ULK4: variants seen among roughly 807,000 people sequenced by gnomAD.
ULK4 encodes the protein unc-51 like kinase 4, also known as inactive serine/threonine-protein kinase ULK4.
ULK4 carries 133 observed loss-of-function variants against 160.6 expected under a neutral mutation model. That is an observed-to-expected ratio of 0.83 (90% CI 0.72 to 0.96). ULK4 has a LOEUF of 0.96. Among genes scored for constraint, ULK4 ranks in the 40% least tolerant of loss-of-function variants. The probability of loss-of-function intolerance (pLI) is 0.00; values close to 1 mark genes in which losing one functional copy is unlikely to be tolerated. For missense variants in ULK4, 1,580 were observed against 1,499.5 expected (o/e 1.05, Z -0.89); for synonymous variants, 534 against 539.8 (o/e 0.99, Z 0.15).
At chr3:41,544,930 C>T (rs182295427) in intron 32 of ULK4, among the ~76,000 whole-genome samples, 21 of 152,270 alleles carry the variant, frequency 1.4e-4, no homozygotes, top group Admixed American at 1.0e-3. Flanking sequence ...AAAGAGAGGA[C>T]GGGGTCAGAC....
At chr3:41,932,831 G>A (rs1317288841) in intron 4 of ULK4, among the ~76,000 whole-genome samples, 2 of 152,224 alleles carry the variant, frequency 1.3e-5, no homozygotes, top group Non-Finnish European at 2.9e-5. Context: ...ATCACCTAGG[G>A]CCAGGAGTTC....
intron 35 of ULK4, among the ~76,000 whole-genome samples, chr3:41,341,717 A>C (rs949976062): frequency 3.3e-5 from 5 of 152,154 alleles, no homozygotes; most frequent in Non-Finnish European, 7.4e-5. Context: ...TGGCAGCCAC[A>C]TTTGGTCCTA....
intron 32 of ULK4, among the ~76,000 whole-genome samples, chr3:41,528,424 C>T (rs1385619746): frequency 1.3e-5 from 2 of 152,096 alleles, no homozygotes; most frequent in Non-Finnish European, 2.9e-5. Context: ...TTGTAGCCTA[C>T]TTGTAAGATA....
At position 41,663,668 on chromosome 3, in the gene ULK4, C is replaced by A. The variant is rs1320475602; in HGVS notation, c.3010G>T (p.Val1004Leu). 11 of 1,613,772 alleles carry A rather than the reference C, an allele frequency of 6.8e-6. No individual in the cohort carries two copies. The highest frequency in any genetic ancestry group is 3.3e-5 in the Admixed American group (2 of 60,004). Residue 1004 changes from valine (V) to leucine (L), a missense_variant, in exon 30 of 37, where the codon GTA (valine) becomes TTA (leucine). Coordinates refer to ENST00000301831, the MANE Select transcript of ULK4 (RefSeq NM_017886.4). ...AGCAGTTTCAGAGCATATGCTGGTA[C>A]TGGGTCAGGTTCTAAAAGAATGTGC... Reference protein sequence around the residue: ...YEHILLEPDPVPAYALKLLVA... With the variant: ...YEHILLEPDPLPAYALKLLVA...
At chr3:41,377,033 A>T (rs551049785) in intron 35 of ULK4, among the ~76,000 whole-genome samples, 2 of 151,842 alleles carry the variant, frequency 1.3e-5, no homozygotes, top group South Asian at 4.2e-4. Context: ...AGAGATATAG[A>T]TCAATGGAAC....
At chr3:41,657,886 T>TTGCC (rs561794519) in intron 30 of ULK4, among the ~76,000 whole-genome samples, 17 of 148,532 alleles carry the variant, frequency 1.1e-4, no homozygotes, top group Admixed American at 9.4e-4. Context: ...AGTTAATGAG[T>TTGCC]TGCCATTTTA....
chr3:41,268,348 T>G (rs983440525), intron 35 of ULK4, among the ~76,000 whole-genome samples: 1 of 152,146 alleles, frequency 6.6e-6, no homozygotes, highest in Non-Finnish European at 1.5e-5. Flanking sequence ...TCTCCTGAGG[T>G]TGAAGTCTTG....
At chr3:41,578,214 A>C (rs1279799466) in intron 31 of ULK4, among the ~76,000 whole-genome samples, 1 of 152,222 alleles carries the variant, frequency 6.6e-6, no homozygotes, top group East Asian at 1.9e-4. Flanking sequence ...ATTCTAAGGA[A>C]GTAACTTAGA....
At chr3:41,916,552 C>T (rs531469536) in intron 7 of ULK4, among the ~76,000 whole-genome samples, 1 of 143,824 alleles carries the variant, frequency 7.0e-6, no homozygotes, top group East Asian at 1.9e-4. Context: ...CCATGCCTGA[C>T]TAATTTTTGT....
intron 21 of ULK4, among the ~76,000 whole-genome samples, chr3:41,771,625 G>C (rs984102707): frequency 1.3e-5 from 2 of 152,030 alleles, no homozygotes; most frequent in East Asian, 1.9e-4. Context: ...GCGAGTAAAA[G>C]CTACCCATGT....
At chr3:41,820,134 AAAACTAATTTT>A (rs1237748105) in intron 18 of ULK4, among the ~76,000 whole-genome samples, 1 of 152,192 alleles carries the variant, frequency 6.6e-6, no homozygotes, top group Non-Finnish European at 1.5e-5. Context: ...AAAGATGAAA[AAAACTAATTTT>A]TTAAAGCAGA....
intron 24 of ULK4, 52 bp from the exon 25 acceptor site, chr3:41,715,345 T>C (rs2037230890): frequency 6.2e-7 from 1 of 1,611,036 alleles, no homozygotes; most frequent in Non-Finnish European, 8.5e-7. Context: ...TGTACAACGT[T>C]AGCTCAATAA....
chr3:41,521,830 C>A (rs1218426370), intron 32 of ULK4, among the ~76,000 whole-genome samples: 1 of 152,194 alleles, frequency 6.6e-6, no homozygotes, highest in Non-Finnish European at 1.5e-5. Flanking sequence ...CCCAAAAGAT[C>A]TCACCAAATA....
chr3:41,499,281 G>A lies in ULK4; in HGVS notation c.3227-36028C>T, dbSNP rs1175008562. Among the ~76,000 whole-genome samples the A allele has an allele frequency of 2.6e-5, 4 of 151,828 alleles. No individual in the cohort carries two copies. The East Asian group carries it at 7.7e-4, about 29-fold the overall frequency. ...AAAAAGCTCATGAAGAACCCCAATA[G>A]ACAACAGAGCTTCTTTAGCTCTGTT... On this transcript the variant is annotated intron_variant, in intron 32 of 36. Coordinates refer to ENST00000301831, the MANE Select transcript of ULK4 (RefSeq NM_017886.4).
chr3:41,690,450 AAAT>A (rs1442314310), intron 27 of ULK4, among the ~76,000 whole-genome samples: 7 of 151,230 alleles, frequency 4.6e-5, no homozygotes, highest in East Asian at 1.9e-4. Flanking sequence ...TAAAATTAAA[AAAT>A]AATAATAATT....
chr3:41,827,291 G>A (rs1050380949), intron 18 of ULK4, among the ~76,000 whole-genome samples: 10 of 151,100 alleles, frequency 6.6e-5, no homozygotes, highest in Non-Finnish European at 1.0e-4. Flanking sequence ...CTAGCAGAAG[G>A]CAAGAAATAA....
At chr3:41,470,484 T>C (rs1025627779) in intron 32 of ULK4, among the ~76,000 whole-genome samples, 3 of 152,084 alleles carry the variant, frequency 2.0e-5, no homozygotes, top group African/African-American at 7.2e-5. Flanking sequence ...GAGAGTTAAG[T>C]TAAACAAAAA....
At chr3:41,699,251 C>T (rs912426942) in intron 27 of ULK4, among the ~76,000 whole-genome samples, 2 of 152,132 alleles carry the variant, frequency 1.3e-5, no homozygotes, top group African/African-American at 4.8e-5. Context: ...ATGTCCCCAC[C>T]AACACTAAGT....
rs188491332 is a variant in ULK4 at position 41,358,857 on chromosome 3, G to T, written c.3678+39222C>A. ...TGGCTGCTGTGTTGAGAATGAACTG[G>T]GGTGGGGGTGAGGGGCAATGGTGGA... On this transcript the variant is annotated intron_variant, in intron 35 of 36. Transcript: ENST00000301831. 2.6e-5 allele frequency among the ~76,000 whole-genome samples: 4 copies of T among 152,270 alleles called. No individual in the cohort carries two copies. The East Asian group carries it at 7.7e-4, about 29-fold the overall frequency.
Sources: allele counts gnomAD v4.1 joint callset (sites outside exome capture counted in the v4.1 genomes callset), GRCh38; gene constraint gnomAD v4.1.1; transcripts MANE v1.5; gene names NCBI Gene and HGNC (gene_info 2026-07-23, HGNC 2026-07-21).